The following PAPPA2 variants were observed in gnomAD, a reference collection of about 807,000 sequenced individuals.
The protein encoded by PAPPA2 is pappalysin 2, also known as pappalysin-2.
PAPPA2 carries 86 observed loss-of-function variants against 176.4 expected under a neutral mutation model. The observed-to-expected ratio is 0.49, with a 90% CI of 0.41 to 0.58. The LOEUF (loss-of-function observed/expected upper bound fraction) is 0.58. Ranked by LOEUF, PAPPA2 falls within the 20% of genes least tolerant of loss-of-function variation. The pLI, the probability that PAPPA2 is intolerant of heterozygous loss-of-function variation, is 0.00. For missense variants in PAPPA2, 2,073 were observed against 2,256.9 expected (o/e 0.92, Z 1.65); for synonymous variants, 809 against 852.2 (o/e 0.95, Z 0.88).
chr1:176,712,010 A>C (rs1004307816), intron 12 of PAPPA2, 29 bp downstream of exon 12: 17 of 1,596,870 alleles, frequency 1.1e-5, no homozygotes, highest in Non-Finnish European at 1.5e-5. Context: ...TCTTTTGTGC[A>C]TGTGAAAGGT....
intron 5 of PAPPA2, chr1:176,690,704 C>T (rs1660080406): frequency 8.0e-7 from 1 of 1,247,076 alleles, no homozygotes; most frequent in Non-Finnish European, 1.0e-6. Flanking sequence ...AGGCACAGAG[C>T]CAAAAGCCCT....
chr1:176,690,837 A>G (rs1160870467), intron 5 of PAPPA2: 1 of 997,158 alleles, frequency 1.0e-6, no homozygotes, highest in Non-Finnish European at 1.2e-6. Context: ...AAGGTGGCCC[A>G]TTGTACTGTT....
At chr1:176,695,912 G>A in intron 7 of PAPPA2, 53 bp downstream of exon 7, 1 of 1,601,572 alleles carries the variant, frequency 6.2e-7, no homozygotes, top group South Asian at 1.1e-5. Context: ...TGAGGATGGG[G>A]GTGGAGGTAA....
chr1:176,788,042 A>T (rs1437480710), intron 17 of PAPPA2, among the ~76,000 whole-genome samples: 1 of 152,206 alleles, frequency 6.6e-6, no homozygotes, highest in African/African-American at 2.4e-5. Flanking sequence ...CCTAGGCAAC[A>T]AGAGTGAAAT....
At chr1:176,694,453 C>T (rs1476704326) in intron 6 of PAPPA2, among the ~76,000 whole-genome samples, 1 of 152,216 alleles carries the variant, frequency 6.6e-6, no homozygotes, top group Non-Finnish European at 1.5e-5. Context: ...ATGAAAAGCA[C>T]GACACAGCGG....
intron 1 of PAPPA2, among the ~76,000 whole-genome samples, chr1:176,547,895 AT>A (rs1487861365): frequency 6.6e-6 from 1 of 152,144 alleles, no homozygotes; most frequent in Admixed American, 6.5e-5. Context: ...CCATTCCAGG[AT>A]TTTTTAAAAA....
intron 3 of PAPPA2, among the ~76,000 whole-genome samples, chr1:176,654,322 C>T (rs766981262): frequency 8.6e-5 from 13 of 151,586 alleles, no homozygotes; most frequent in East Asian, 5.9e-4. Context: ...ATCATGTCCC[C>T]GGTGTATGTT....
At chr1:176,736,214 A>G (rs1662402230) in intron 12 of PAPPA2, among the ~76,000 whole-genome samples, 1 of 152,008 alleles carries the variant, frequency 6.6e-6, no homozygotes, top group Non-Finnish European at 1.5e-5. Flanking sequence ...CAGTGGCAAA[A>G]GTGACACAGG....
rs77669982 is a variant in PAPPA2 at position 176,520,169 on chromosome 1, A to G, written c.-916-35238A>G. Reference sequence around the variant, plus strand: ...TGGGAATAAGAAAAGTTACATTTCTATTCTTCCTCCTTGTCCAACTCTGCC... The same window carrying G: ...TGGGAATAAGAAAAGTTACATTTCTGTTCTTCCTCCTTGTCCAACTCTGCC... On this transcript the variant is annotated intron_variant, in intron 1 of 22. Coordinates refer to ENST00000367662, the MANE Select transcript of PAPPA2 (RefSeq NM_020318.3). Among the ~76,000 whole-genome samples, 17 of 152,222 alleles carry G rather than the reference A, an allele frequency of 1.1e-4. 1 individual carries two copies. The East Asian group carries it at 2.9e-3, about 26-fold the overall frequency.
intron 8 of PAPPA2, among the ~76,000 whole-genome samples, chr1:176,700,186 A>G (rs1337522144): frequency 6.6e-6 from 1 of 151,964 alleles, no homozygotes; most frequent in African/African-American, 2.4e-5. Flanking sequence ...AGTGAGTTCT[A>G]CTATGTTCCT....
At chr1:176,577,495 A>G (rs950663159) in intron 2 of PAPPA2, among the ~76,000 whole-genome samples, 3 of 152,136 alleles carry the variant, frequency 2.0e-5, no homozygotes, top group Non-Finnish European at 2.9e-5. Flanking sequence ...TTATTTGTAA[A>G]AGCTTGGAGT....
intron 17 of PAPPA2, among the ~76,000 whole-genome samples, chr1:176,779,476 TCACACACA>T (rs376976102): frequency 9.5e-4 from 121 of 126,960 alleles, no homozygotes; most frequent in South Asian, 6.5e-3. Context: ...TCCATACTCA[TCACACACA>T]CACACACACA....
rs184996594 is a variant in PAPPA2, at chr1:176,557,270, A to T, written c.919+29A>T. The T allele has an allele frequency of 3.1e-4, 484 of 1,537,364 alleles. 1 individual carries two copies. The African/African-American group carries it at 5.9e-3, about 19-fold the overall frequency. On this transcript the variant is annotated intron_variant, in intron 2 of 22. Coordinates refer to ENST00000367662, the MANE Select transcript of PAPPA2 (RefSeq NM_020318.3). Reference sequence around the variant, plus strand: ...ACACCCTTCTCCTGGGCTTTCTGAAATCCTGAGGGTATGGCTGGCTTTATT... The same window carrying T: ...ACACCCTTCTCCTGGGCTTTCTGAATTCCTGAGGGTATGGCTGGCTTTATT...
intron 1 of PAPPA2, among the ~76,000 whole-genome samples, chr1:176,474,547 A>G (rs1652029120): frequency 6.6e-6 from 1 of 152,184 alleles, no homozygotes; most frequent in Non-Finnish European, 1.5e-5. Context: ...GCCCACTTGG[A>G]GACTACAGAG....
At chr1:176,559,602 C>T (rs909734096) in intron 2 of PAPPA2, among the ~76,000 whole-genome samples, 5 of 152,230 alleles carry the variant, frequency 3.3e-5, no homozygotes, top group African/African-American at 1.2e-4. Context: ...CTACTCATGC[C>T]TGTGGACAGA....
intron 1 of PAPPA2, among the ~76,000 whole-genome samples, chr1:176,474,672 A>G (rs1367765661): frequency 6.6e-6 from 1 of 152,246 alleles, no homozygotes; most frequent in Non-Finnish European, 1.5e-5. Flanking sequence ...CACACTTACT[A>G]CAAGTTCCAT....
chr1:176,813,977 G>A (rs573277605), intron 21 of PAPPA2, among the ~76,000 whole-genome samples: 1 of 152,218 alleles, frequency 6.6e-6, no homozygotes, highest in South Asian at 2.1e-4. Flanking sequence ...GTAAGGAAGG[G>A]GTCCAGTTTC....
At chr1:176,498,602 T>C (rs1647765816) in intron 1 of PAPPA2, among the ~76,000 whole-genome samples, 1 of 151,816 alleles carries the variant, frequency 6.6e-6, no homozygotes, top group South Asian at 2.1e-4. Context: ...ATACAAAAAT[T>C]AGCCAGGTGT....
chr1:176,807,314 T>C (rs575770535), intron 21 of PAPPA2, among the ~76,000 whole-genome samples: 33 of 152,002 alleles, frequency 2.2e-4, no homozygotes, highest in African/African-American at 6.5e-4. Context: ...GGAGAGAGAG[T>C]TGGTAAAGGA....
Sources: gnomAD v4.1 joint callset for allele counts (sites outside exome capture counted in the v4.1 genomes callset) on GRCh38, gnomAD v4.1.1 for gene constraint, MANE v1.5 for transcripts, NCBI Gene and HGNC (gene_info 2026-07-23, HGNC 2026-07-21) for gene names.